The following TNR variants were observed in gnomAD, a reference collection of about 807,000 sequenced individuals.
The protein encoded by TNR is tenascin R, also known as tenascin-R.
A neutral mutation model predicts 150.4 loss-of-function variants in TNR; 45 were observed. The observed-to-expected ratio is 0.30, with a 90% confidence interval of 0.24 to 0.38. The LOEUF (loss-of-function observed/expected upper bound fraction) is 0.38. Among genes scored for constraint, TNR ranks in the 10% least tolerant of loss-of-function variants. The pLI, the probability that TNR is intolerant of heterozygous loss-of-function variation, is 1.00. For missense variants in TNR, 1,544 were observed against 1,759.1 expected (o/e 0.88, Z 2.19); for synonymous variants, 687 against 678.4 (o/e 1.01, Z -0.20).
chr1:175,562,334 C>T (rs1661464294), intron 1 of TNR, among the ~76,000 whole-genome samples: 1 of 152,224 alleles, frequency 6.6e-6, no homozygotes, highest in African/African-American at 2.4e-5. Flanking sequence ...ATGCTCAACT[C>T]AGACACATTT....
intron 15 of TNR, among the ~76,000 whole-genome samples, chr1:175,359,271 A>G (rs545535347): frequency 8.7e-4 from 130 of 149,858 alleles, no homozygotes; most frequent in African/African-American, 3.1e-3. Context: ...TCAGCCTCCC[A>G]AGTAGCTGGG....
intron 2 of TNR, among the ~76,000 whole-genome samples, chr1:175,413,410 G>A (rs1209638760): frequency 6.6e-6 from 1 of 152,244 alleles, no homozygotes; most frequent in East Asian, 1.9e-4. Flanking sequence ...GGCATGTCTG[G>A]AAGTGCTGCA....
chr1:175,741,440 T>A (rs75031649), intron 1 of TNR, among the ~76,000 whole-genome samples: 2,966 of 152,300 alleles, frequency 0.019, 101 homozygotes, highest in African/African-American at 0.066. Context: ...CATAATTTTT[T>A]AAAAATCCTC....
intron 1 of TNR, among the ~76,000 whole-genome samples, chr1:175,640,639 C>G (rs188665811): frequency 6.6e-6 from 1 of 152,028 alleles, no homozygotes; most frequent in Admixed American, 6.6e-5. Flanking sequence ...CTTGGGCTCA[C>G]GACAGTTCTC....
At chr1:175,412,788 C>A (rs1654269735) in intron 2 of TNR, among the ~76,000 whole-genome samples, 1 of 152,154 alleles carries the variant, frequency 6.6e-6, no homozygotes, top group South Asian at 2.1e-4. Context: ...TGAGGTGCTC[C>A]ACTTTTCTCA....
chr1:175,637,711 A>G (rs1038865816), intron 1 of TNR, among the ~76,000 whole-genome samples: 5 of 152,310 alleles, frequency 3.3e-5, no homozygotes, highest in East Asian at 3.9e-4. Flanking sequence ...TGTTGGATGA[A>G]CTTCAGTGCG....
chr1:175,391,163 G>T (rs564414606), intron 7 of TNR, 125 bp downstream of exon 7: 1 of 1,243,748 alleles, frequency 8.0e-7, no homozygotes, highest in South Asian at 1.5e-5. Context: ...CCAGGTACCA[G>T]AATTGTCCCA....
At chr1:175,630,870 A>C (rs1024599656) in intron 1 of TNR, among the ~76,000 whole-genome samples, 10 of 152,170 alleles carry the variant, frequency 6.6e-5, no homozygotes, top group African/African-American at 2.2e-4. Context: ...CGCACCAAAC[A>C]AGGGGAGCAG....
At chr1:175,657,853 G>GTATATATATATATATATATATA (rs59315046) in intron 1 of TNR, among the ~76,000 whole-genome samples, 6 of 70,484 alleles carry the variant, frequency 8.5e-5, no homozygotes, top group African/African-American at 2.9e-4. Flanking sequence ...CATGGAACAT[G>GTATATATATATATATATATATA]TATATATATA....
At chr1:175,637,798 C>T (rs1664534042) in intron 1 of TNR, among the ~76,000 whole-genome samples, 1 of 152,174 alleles carries the variant, frequency 6.6e-6, no homozygotes, top group Admixed American at 6.5e-5. Context: ...TTGTCTAAAG[C>T]TTGTCTCAGC....
chr1:175,354,641 G>A (rs1348452947), intron 17 of TNR, 118 bp from the exon 18 acceptor site: 1 of 1,312,256 alleles, frequency 7.6e-7, no homozygotes, highest in African/African-American at 1.5e-5. Flanking sequence ...AATGGCCATT[G>A]TCATCCTCTC....
intron 9 of TNR, among the ~76,000 whole-genome samples, chr1:175,379,260 G>A (rs985554077): frequency 6.6e-6 from 1 of 151,692 alleles, no homozygotes. Context: ...TTATTGCAAT[G>A]GTTAAGATAA....
intron 15 of TNR, 48 bp from the exon 16 acceptor site, chr1:175,356,510 T>C: frequency 6.2e-7 from 1 of 1,603,346 alleles, no homozygotes; most frequent in East Asian, 2.2e-5. Context: ...CTACTCAGTT[T>C]AGGAAAGATC....
At chr1:175,415,209 T>C (rs928413411) in intron 2 of TNR, among the ~76,000 whole-genome samples, 33 of 151,954 alleles carry the variant, frequency 2.2e-4, no homozygotes, top group Non-Finnish European at 3.4e-4. Flanking sequence ...TGGGATGCTC[T>C]GTCACTTGGA....
chr1:175,451,671 C>T (rs1656327901), intron 2 of TNR, among the ~76,000 whole-genome samples: 1 of 152,204 alleles, frequency 6.6e-6, no homozygotes, highest in Non-Finnish European at 1.5e-5. Context: ...CTGGCATTCC[C>T]TCAGCCCTTT....
chr1:175,525,143 A>G (rs532388723), intron 2 of TNR, among the ~76,000 whole-genome samples: 3 of 152,278 alleles, frequency 2.0e-5, no homozygotes, highest in East Asian at 3.9e-4. Flanking sequence ...TGACAGTTTT[A>G]TAAGGGGCTT....
At chr1:175,686,682 A>G (rs1045814089) in intron 1 of TNR, among the ~76,000 whole-genome samples, 1 of 152,148 alleles carries the variant, frequency 6.6e-6, no homozygotes, top group Admixed American at 6.5e-5. Context: ...TACTGTTTCC[A>G]TCTTTATGTC....
chr1:175,494,555 G>A (rs59272440), intron 2 of TNR, among the ~76,000 whole-genome samples: 1 of 152,232 alleles, frequency 6.6e-6, no homozygotes, highest in East Asian at 1.9e-4. Context: ...TGACAGCTGA[G>A]CGCAGGTGGG....
In TNR at chr1:175,593,566, T is replaced by G. The variant is rs1186365814; in HGVS notation, c.-164-65197A>C. Among the ~76,000 whole-genome samples, 2 of 152,330 alleles carry G rather than the reference T, an allele frequency of 1.3e-5. 1 individual carries two copies. Among genetic ancestry groups the G allele is most frequent in the East Asian group, 3.9e-4 (2 of 5,176 alleles). On this transcript the variant is annotated intron_variant, in intron 1 of 22. Coordinates refer to ENST00000367674, the MANE Select transcript of TNR (RefSeq NM_003285.3). ...CTGAGGTTTTAGGAGTCATAAGTTTTGGAAACTAGCATTGTTTGATAGGCT... is the reference window on the plus strand; with the variant it reads ...CTGAGGTTTTAGGAGTCATAAGTTTGGGAAACTAGCATTGTTTGATAGGCT...
Sources: allele counts gnomAD v4.1 joint callset (sites outside exome capture counted in the v4.1 genomes callset), GRCh38; gene constraint gnomAD v4.1.1; transcripts MANE v1.5; gene names NCBI Gene and HGNC (gene_info 2026-07-23, HGNC 2026-07-21).